Variants in DLEC1 observed in about 807,000 individuals in gnomAD.
DLEC1 encodes DLEC1 cilia and flagella associated protein.
DLEC1 carries 146 observed loss-of-function variants against 198.1 expected under a neutral mutation model. The ratio of observed to expected loss-of-function variants is 0.74; its 90% CI spans 0.64 to 0.85. The LOEUF (loss-of-function observed/expected upper bound fraction) is 0.85, where lower values mean the gene tolerates loss of function less well. Ranked by LOEUF, DLEC1 falls within the 40% of genes least tolerant of loss-of-function variation. DLEC1 has a pLI of 0.00. For missense variants in DLEC1, 2,233 were observed against 2,220.0 expected, an observed-to-expected ratio of 1.01 and a Z score of -0.12; for synonymous variants, 897 against 866.8, an observed-to-expected ratio of 1.03 and a Z score of -0.61.
intron 33 of DLEC1, among the ~76,000 whole-genome samples, chr3:38,119,141 A>G (rs1338188093): frequency 6.6e-6 from 1 of 152,228 alleles, no homozygotes; most frequent in Non-Finnish European, 1.5e-5. Context: ...GGGGAAGCCC[A>G]AAAGTTCCAG....
In DLEC1 at chr3:38,122,423, C is replaced by T; in HGVS notation, c.*11C>T. The T allele has an allele frequency of 1.9e-6, 3 of 1,614,174 alleles. No individual in the cohort carries two copies. Among genetic ancestry groups the T allele is most frequent in the Non-Finnish European group, 2.5e-6 (3 of 1,180,022 alleles). ...CCTCACCAGCCCTGAGGCTCCGCCC[C>T]AGCCCTCAGCCCCAGGCCCCAGCTG... On this transcript the variant is annotated 3_prime_UTR_variant, in exon 37 of 37. Coordinates refer to ENST00000308059, the MANE Select transcript of DLEC1 (RefSeq NM_007335.4).
chr3:38,081,270 C>T lies in DLEC1; in HGVS notation c.1174-2888C>T, dbSNP rs1383143608. ...TTCTCAATCTTTTCCCCACCTTTCC[C>T]GCCTTTCTATTCCACAAAGCAGCCA... is the stretch of plus-strand genomic sequence containing the variant. On this transcript the variant is annotated intron_variant, in intron 6 of 36. Coordinates refer to ENST00000308059, the MANE Select transcript of DLEC1 (RefSeq NM_007335.4). Among the ~76,000 whole-genome samples the T allele has an allele frequency of 3.6e-5, 5 of 139,978 alleles. No homozygotes were observed. The South Asian group carries it at 6.8e-4, about 19-fold the overall frequency. The allele number at this position is 139,978 out of a possible 152,430, so 91.8% of individuals were successfully genotyped here. A position where few individuals can be genotyped will look rare whatever the true frequency, so the allele number is the denominator to read the frequency against.
intron 9 of DLEC1, among the ~76,000 whole-genome samples, chr3:38,087,519 A>G (rs1213327636): frequency 6.9e-6 from 1 of 145,374 alleles, no homozygotes. Context: ...CACTGACACC[A>G]TCCATCAGCA....
intron 2 of DLEC1, among the ~76,000 whole-genome samples, chr3:38,053,425 G>T (rs1336608664): frequency 2.0e-5 from 3 of 150,382 alleles, no homozygotes; most frequent in Non-Finnish European, 4.4e-5. Flanking sequence ...TGTGAGGAGC[G>T]CCTCTGCCCG....
At position 38,122,643 on chromosome 3, in the gene DLEC1, G is replaced by A. The variant is rs748569672; in HGVS notation, c.*231G>A. On this transcript the variant is annotated 3_prime_UTR_variant, in exon 37 of 37. Coordinates refer to ENST00000308059, the MANE Select transcript of DLEC1 (RefSeq NM_007335.4). Reference sequence around the variant, plus strand: ...ACCACAGCAGAGACCACCACATTGAGATCACTACTCAGTGCATAGCGAAGA... The same window carrying A: ...ACCACAGCAGAGACCACCACATTGAAATCACTACTCAGTGCATAGCGAAGA... 1.9e-4 allele frequency: 288 copies of A among 1,497,802 alleles called. No individual in the cohort carries two copies. Among genetic ancestry groups the A allele is most frequent in the Non-Finnish European group, 2.4e-4 (267 of 1,128,260 alleles). The allele number at this position is 1,497,802 out of a possible 1,614,324, so 92.8% of individuals were successfully genotyped here.
chr3:38,043,065 A>G (rs940347224), intron 1 of DLEC1, among the ~76,000 whole-genome samples: 16 of 152,068 alleles, frequency 1.1e-4, no homozygotes, highest in Non-Finnish European at 4.4e-5. Flanking sequence ...TTGGCAGCTG[A>G]TCTTCCCCAA....
At chr3:38,120,670 T>C (rs919435511) in intron 34 of DLEC1, 61 bp downstream of exon 34, 42 of 1,602,990 alleles carry the variant, frequency 2.6e-5, no homozygotes, top group Non-Finnish European at 3.2e-5. Flanking sequence ...TGTGTTCTGC[T>C]GGGGCCAGAG....
intron 6 of DLEC1, among the ~76,000 whole-genome samples, chr3:38,073,307 G>A (rs889282833): frequency 6.6e-5 from 10 of 152,222 alleles, no homozygotes; most frequent in African/African-American, 2.4e-5. Context: ...GACAGGTAAA[G>A]TGGGGGAATT....
At position 38,093,599 on chromosome 3, in the gene DLEC1, T is replaced by C; in HGVS notation, c.1757-6T>C. ...TTCACTGACTTCACTTACTCTACTT[T>C]GGCAGGAATTGGGCAGCTGATTGCT... On this transcript the variant is annotated splice_polypyrimidine_tract_variant and splice_region_variant and intron_variant, in intron 11 of 36. Coordinates refer to ENST00000308059, the MANE Select transcript of DLEC1 (RefSeq NM_007335.4). 1 of 1,614,142 alleles carries C rather than the reference T, an allele frequency of 6.2e-7. No homozygotes were observed. The highest frequency in any genetic ancestry group is 8.5e-7 in the Non-Finnish European group (1 of 1,180,022).
In DLEC1 at chr3:38,097,663, G is replaced by A. The variant is rs1699099914; in HGVS notation, c.2565+26G>A. Reference sequence around the variant, plus strand: ...GTGCTGCAGGTGGAGCTGGGCAGTGGGGTGGGCCCAGAGAGGTGGCAGGGC... The same window carrying A: ...GTGCTGCAGGTGGAGCTGGGCAGTGAGGTGGGCCCAGAGAGGTGGCAGGGC... On this transcript the variant is annotated intron_variant, in intron 17 of 36. Coordinates refer to ENST00000308059, the MANE Select transcript of DLEC1 (RefSeq NM_007335.4). The A allele has an allele frequency of 2.5e-6, 4 of 1,613,980 alleles. No individual in the cohort carries two copies. The African/African-American group carries it at 5.3e-5, about 22-fold the overall frequency.
intron 27 of DLEC1, 134 bp downstream of exon 27, chr3:38,115,187 C>G (rs567065351): frequency 1.1e-6 from 1 of 907,514 alleles, no homozygotes; most frequent in Non-Finnish European, 1.7e-6. Flanking sequence ...CCTGTGGTTA[C>G]GGAAGTGTGG....
At chr3:38,107,133 G>A (rs1322917238) in intron 19 of DLEC1, among the ~76,000 whole-genome samples, 1 of 149,264 alleles carries the variant, frequency 6.7e-6, no homozygotes, top group African/African-American at 2.4e-5. Context: ...TAGCTTAAGA[G>A]TTTAAAAATC....
intron 6 of DLEC1, among the ~76,000 whole-genome samples, chr3:38,065,499 G>A (rs1696979800): frequency 6.6e-6 from 1 of 152,226 alleles, no homozygotes; most frequent in South Asian, 2.1e-4. Context: ...CCAATATGCA[G>A]CTTCAACAGT....
Position 38,117,298 on chromosome 3 carries a change from G to C in DLEC1, c.4396G>C (p.Ala1466Pro), listed in dbSNP as rs372781636. The C allele has an allele frequency of 6.2e-6, 10 of 1,613,892 alleles. No homozygotes were observed. The highest frequency in any genetic ancestry group is 8.5e-6 in the Non-Finnish European group (10 of 1,179,950). Residue 1466 changes from alanine to proline, a missense_variant, in exon 31 of 37, where the codon GCA (alanine) becomes CCA (proline). Physicochemically the swap from Ala to Pro is conservative, Grantham distance 27. Coordinates refer to ENST00000308059, the MANE Select transcript of DLEC1 (RefSeq NM_007335.4). Reference sequence around the variant, plus strand: ...GGACCTGCATAGCTACGTGAGGCCTGCACAGTGAGTCAGCTGGGGTGCCCC... The same window carrying C: ...GGACCTGCATAGCTACGTGAGGCCTCCACAGTGAGTCAGCTGGGGTGCCCC... Reference protein sequence around the residue: ...KLDLHSYVRPAQLSVELDYGG... With the variant: ...KLDLHSYVRPPQLSVELDYGG...
At position 38,117,453 on chromosome 3, in the gene DLEC1, T is replaced by TG. The variant is rs1700237684; in HGVS notation, c.4401-72dup. 6 of 1,608,264 alleles carry TG rather than the reference T, an allele frequency of 3.7e-6. No homozygotes were observed. The East Asian group carries it at 1.3e-4, about 36-fold the overall frequency. The stretch of plus-strand genomic sequence containing the variant: ...GCCCAGGGAAAGGCTGGCCCGAGGC[T>TG]GGATGAGCAGAGTGGGGGCAGCCAG... On this transcript the variant is annotated intron_variant, in intron 31 of 36. Transcript: ENST00000308059.
intron 1 of DLEC1, 77 bp downstream of exon 1, chr3:38,039,713 G>T: frequency 6.7e-7 from 1 of 1,499,578 alleles, no homozygotes; most frequent in South Asian, 1.3e-5. Context: ...CCTGCCAGGT[G>T]CCAGGCGCTG....
rs752902749 is a variant in DLEC1, at chr3:38,095,001, T to G, written c.2042T>G (p.Ile681Ser). 4 of 1,614,224 alleles carry G rather than the reference T, an allele frequency of 2.5e-6. No homozygotes were observed. The highest frequency in any genetic ancestry group is 3.4e-6 in the Non-Finnish European group (4 of 1,180,032). The change falls in exon 13 of 37, where the codon ATC becomes AGC. Residue 681 changes from isoleucine to serine, a missense_variant. Physicochemically the swap from Ile to Ser is moderately radical, Grantham distance 142. Transcript: ENST00000308059. ...CYPDKETAFS[I>S]MPRKGVLSPH... The stretch of plus-strand genomic sequence containing the variant: ...CCCGACAAGGAGACTGCCTTCTCCA[T>G]CATGCCCAGAAAGGGGGTTCTAAGC...
At chr3:38,117,134 C>T in intron 30 of DLEC1, 34 bp downstream of exon 30, 1 of 1,613,880 alleles carries the variant, frequency 6.2e-7, no homozygotes, top group Non-Finnish European at 8.5e-7. Flanking sequence ...GGGGCCGCAG[C>T]CACTGCTCCC....
chr3:38,068,392 G>A (rs1163460789), intron 6 of DLEC1, among the ~76,000 whole-genome samples: 1 of 152,050 alleles, frequency 6.6e-6, no homozygotes, highest in Non-Finnish European at 1.5e-5. Context: ...CACCACACCT[G>A]GCTAATTTTT....
Sources: gnomAD v4.1 joint callset for allele counts (sites outside exome capture counted in the v4.1 genomes callset) on GRCh38, gnomAD v4.1.1 for gene constraint, MANE v1.5 for transcripts, NCBI Gene and HGNC (gene_info 2026-07-23, HGNC 2026-07-21) for gene names.